The following SETBP1 variants were observed in gnomAD, a reference collection of about 807,000 sequenced individuals.
SETBP1 encodes SET binding protein 1.
A neutral mutation model predicts 101.0 loss-of-function variants in SETBP1; 9 were observed. The observed-to-expected ratio is 0.09, with a 90% CI of 0.05 to 0.16. SETBP1 has a LOEUF of 0.16. Ranked by LOEUF, SETBP1 falls within the 10% of genes least tolerant of loss-of-function variation. SETBP1 has a pLI of 1.00. For missense variants in SETBP1, 1,858 were observed against 2,033.8 expected (o/e 0.91, Z 1.66); for synonymous variants, 818 against 788.5 (o/e 1.04, Z -0.63).
chr18:44,988,497 G>A (rs951456170), intron 4 of SETBP1: 5 of 152,206 alleles, frequency 3.3e-5, no homozygotes, highest in South Asian at 2.1e-4. Context: ...CTGTTTACAC[G>A]TATTTTCAGG....
intron 4 of SETBP1, among the ~76,000 whole-genome samples, chr18:45,006,340 G>A (rs142666362): frequency 6.6e-6 from 1 of 152,048 alleles, no homozygotes; most frequent in Non-Finnish European, 1.5e-5. Flanking sequence ...TTCTTTAATT[G>A]TTCCTTGTAG....
At chr18:44,855,637 G>C (rs2072959745) in intron 2 of SETBP1, among the ~76,000 whole-genome samples, 2 of 152,196 alleles carry the variant, frequency 1.3e-5, no homozygotes, top group African/African-American at 4.8e-5. Context: ...CAGGCTAGTA[G>C]CTTGACATCT....
intron 5 of SETBP1, among the ~76,000 whole-genome samples, chr18:45,055,625 CTTG>C (rs1343427624): frequency 2.6e-5 from 4 of 151,924 alleles, no homozygotes; most frequent in Non-Finnish European, 4.4e-5. Flanking sequence ...TGTTTCAATA[CTTG>C]TTGTAGGATA....
intron 2 of SETBP1, among the ~76,000 whole-genome samples, chr18:44,851,617 C>T (rs1233314991): frequency 6.6e-6 from 1 of 152,160 alleles, no homozygotes; most frequent in East Asian, 1.9e-4. Flanking sequence ...TTCCTTTTCC[C>T]CTCTCTCTTT....
Position 45,020,258 on chromosome 18 carries a change from T to TAAAAAAAAAA in SETBP1, c.4001-18199_4001-18190dup, listed in dbSNP as rs57134217. On this transcript the variant is annotated intron_variant, in intron 4 of 5. Coordinates refer to ENST00000649279, the MANE Select transcript of SETBP1 (RefSeq NM_015559.3). ...CTGGTGACAGAGCAAGACTCTGTCT[T>TAAAAAAAAAA]AAAAAAAAAAAAAAAAAAAAAAAAA... Among the ~76,000 whole-genome samples the TAAAAAAAAAA allele has an allele frequency of 9.4e-4, 50 of 53,082 alleles. 6 individuals are homozygous for TAAAAAAAAAA. The highest frequency in any genetic ancestry group is 3.7e-3 in the South Asian group (5 of 1,334). 34.8% of individuals were successfully genotyped at this position (53,082 alleles called of 152,430 possible). A position where few individuals can be genotyped will look rare whatever the true frequency, so the allele number is the denominator to read the frequency against.
intron 2 of SETBP1, among the ~76,000 whole-genome samples, chr18:44,817,926 T>C (rs2072018742): frequency 6.6e-6 from 1 of 152,204 alleles, no homozygotes; most frequent in Non-Finnish European, 1.5e-5. Flanking sequence ...TCTCAAAAAG[T>C]CTGGCACTTA....
chr18:44,691,838 C>G (rs930890188), intron 1 of SETBP1, among the ~76,000 whole-genome samples: 1 of 152,180 alleles, frequency 6.6e-6, no homozygotes, highest in African/African-American at 2.4e-5. Flanking sequence ...GAAGGGGCCA[C>G]AGGGTTGAAC....
intron 3 of SETBP1, among the ~76,000 whole-genome samples, chr18:44,903,885 T>G (rs1396197424): frequency 6.6e-6 from 1 of 152,222 alleles, no homozygotes; most frequent in Non-Finnish European, 1.5e-5. Context: ...TCTGTATTGC[T>G]CATTTGATAG....
chr18:44,697,920 G>T (rs1350787294), intron 1 of SETBP1, among the ~76,000 whole-genome samples: 2 of 152,164 alleles, frequency 1.3e-5, no homozygotes, highest in Non-Finnish European at 2.9e-5. Flanking sequence ...CAATTGCATG[G>T]CCGGCATTGC....
intron 2 of SETBP1, among the ~76,000 whole-genome samples, chr18:44,847,628 G>A (rs927591128): frequency 3.9e-5 from 6 of 152,202 alleles, no homozygotes; most frequent in African/African-American, 1.4e-4. Flanking sequence ...AATGTGTCAA[G>A]CACTGTGGGG....
chr18:44,951,905 T>C lies in SETBP1; in HGVS notation c.2565T>C (p.Pro855=). 6.2e-7 allele frequency: 1 copy of C among 1,613,992 alleles called. No homozygotes were observed. The highest frequency in any genetic ancestry group is 8.5e-7 in the Non-Finnish European group (1 of 1,180,006). The part of the protein sequence containing the change: ...IGSLKEITLS[P]VSESHSEETI... Reference sequence around the variant, plus strand: ...CCCTAAAGGAAATCACGCTGTCCCCTGTGAGCGAGTCCCACAGTGAGGAGA... The same window carrying C: ...CCCTAAAGGAAATCACGCTGTCCCCCGTGAGCGAGTCCCACAGTGAGGAGA... The change falls in exon 4 of 6, where the codon CCT becomes CCC. Residue 855 remains proline, a synonymous_variant. Transcript: ENST00000649279. This position sits in a 1 kb window ranked among gnomAD's most constrained non-coding sequence, Gnocchi z 7.8.
At chr18:44,975,529 C>G (rs2071967088) in intron 4 of SETBP1, among the ~76,000 whole-genome samples, 1 of 152,126 alleles carries the variant, frequency 6.6e-6, no homozygotes, top group Non-Finnish European at 1.5e-5. Context: ...AGATACTGTA[C>G]CTGGGACAGC....
At chr18:44,978,199 C>T (rs1031189071) in intron 4 of SETBP1, among the ~76,000 whole-genome samples, 1 of 152,158 alleles carries the variant, frequency 6.6e-6, no homozygotes, top group Non-Finnish European at 1.5e-5. Flanking sequence ...AACACTAGGA[C>T]AGGCCCATAT....
intron 2 of SETBP1, among the ~76,000 whole-genome samples, chr18:44,810,418 G>C (rs1044276044): frequency 3.3e-5 from 5 of 152,164 alleles, no homozygotes; most frequent in South Asian, 2.1e-4. Flanking sequence ...ACAGATGGAG[G>C]GTTGGTAACT....
chr18:44,692,864 G>C (rs2068957189), intron 1 of SETBP1, among the ~76,000 whole-genome samples: 1 of 152,202 alleles, frequency 6.6e-6, no homozygotes, highest in African/African-American at 2.4e-5. Context: ...AGTGGGACTT[G>C]GGAGATCTGC....
chr18:44,786,218 C>G (rs936043242), intron 2 of SETBP1, among the ~76,000 whole-genome samples: 7 of 152,214 alleles, frequency 4.6e-5, no homozygotes, highest in Non-Finnish European at 1.0e-4. Context: ...GTGGTTGATA[C>G]TTTTTCTAAA....
In SETBP1 at chr18:44,950,499, G is replaced by A. The variant is rs368829088; in HGVS notation, c.1159G>A (p.Val387Met). ...AQEASPARQN[V>M]SSASNPENDS... ...AGAGGCATCACCAGCCAGGCAGAAC[G>A]TGAGTTCTGCCAGTAATCCTGAAAA... Residue 387 changes from valine to methionine, a missense_variant, in exon 4 of 6, where the codon GTG (valine) becomes ATG (methionine). Physicochemically the swap from Val to Met is conservative, Grantham distance 21 (BLOSUM62 1). Coordinates refer to ENST00000649279, the MANE Select transcript of SETBP1 (RefSeq NM_015559.3). 58 of 1,613,794 alleles carry A rather than the reference G, an allele frequency of 3.6e-5. No individual in the cohort carries two copies. Among genetic ancestry groups the A allele is most frequent in the Middle Eastern group, 3.3e-4 (2 of 6,082 alleles).
intron 4 of SETBP1, among the ~76,000 whole-genome samples, chr18:44,956,572 T>A (rs1250862966): frequency 6.6e-6 from 1 of 152,186 alleles, no homozygotes; most frequent in African/African-American, 2.4e-5. Flanking sequence ...TTCCTTAGCA[T>A]CCAAATGTCC....
rs142757918 is a variant in SETBP1, at chr18:44,792,188, G to A, written c.487-77042G>A. Among the ~76,000 whole-genome samples the A allele has an allele frequency of 7.9e-3, 1,209 of 152,276 alleles. 16 individuals are homozygous for A. Among genetic ancestry groups the A allele is most frequent in the African/African-American group, 0.027 (1,124 of 41,550 alleles). On this transcript the variant is annotated intron_variant, in intron 2 of 5. Coordinates refer to ENST00000649279, the MANE Select transcript of SETBP1 (RefSeq NM_015559.3). Reference sequence around the variant, plus strand: ...TACCATCAGCAAAGGGGGAGTACAGGACTAGGAGATCCCCAATGTCCCATC... The same window carrying A: ...TACCATCAGCAAAGGGGGAGTACAGAACTAGGAGATCCCCAATGTCCCATC...
Sources: gnomAD v4.1 joint callset for allele counts (sites outside exome capture counted in the v4.1 genomes callset) on GRCh38, gnomAD v4.1.1 for gene constraint, Gnocchi (gnomAD v3.1) non-coding constraint, MANE v1.5 for transcripts, NCBI Gene and HGNC (gene_info 2026-07-23, HGNC 2026-07-21) for gene names.